Variants in NEDD4L observed in about 807,000 individuals in gnomAD.
NEDD4L encodes E3 ubiquitin-protein ligase NEDD4-like.
NEDD4L carries 54 observed loss-of-function variants against 148.9 expected under a neutral mutation model. The ratio of observed to expected loss-of-function variants is 0.36; its 90% confidence interval spans 0.29 to 0.45. The LOEUF (loss-of-function observed/expected upper bound fraction) is 0.45. Ranked by LOEUF, NEDD4L falls within the 20% of genes least tolerant of loss-of-function variation. The pLI, the probability that NEDD4L is intolerant of heterozygous loss-of-function variation, is 1.00. For missense variants in NEDD4L, 856 were observed against 1,233.8 expected (o/e 0.69, Z 4.59); for synonymous variants, 433 against 440.7 (o/e 0.98, Z 0.22).
intron 1 of NEDD4L, among the ~76,000 whole-genome samples, chr18:58,128,377 CTT>C (rs1463025396): frequency 6.6e-6 from 1 of 152,124 alleles, no homozygotes; most frequent in African/African-American, 2.4e-5. Flanking sequence ...TCCCAGGAAA[CTT>C]AATAGGTCAA....
At chr18:58,359,347 T>C (rs551123740) in intron 19 of NEDD4L, among the ~76,000 whole-genome samples, 90 of 152,344 alleles carry the variant, frequency 5.9e-4, no homozygotes, top group African/African-American at 2.0e-3. Flanking sequence ...TGTATTCTTA[T>C]AGCTCTCACA....
intron 16 of NEDD4L, among the ~76,000 whole-genome samples, chr18:58,343,539 C>T (rs901054742): frequency 6.6e-6 from 1 of 152,234 alleles, no homozygotes; most frequent in Admixed American, 6.5e-5. Flanking sequence ...TAGTTTTTAC[C>T]GTTCACATCA....
At chr18:58,056,953 G>T (rs910213040) in intron 1 of NEDD4L, among the ~76,000 whole-genome samples, 1 of 147,782 alleles carries the variant, frequency 6.8e-6, no homozygotes, top group East Asian at 2.1e-4. Flanking sequence ...GAAAGAGAAC[G>T]GCCTCCTGTG....
At chr18:58,208,173 G>A (rs904047529) in intron 2 of NEDD4L, among the ~76,000 whole-genome samples, 3 of 152,148 alleles carry the variant, frequency 2.0e-5, no homozygotes, top group African/African-American at 7.2e-5. Context: ...TATTCACTGG[G>A]ATTCACTCGG....
intron 1 of NEDD4L, among the ~76,000 whole-genome samples, chr18:58,138,222 A>G (rs938208624): frequency 3.3e-5 from 5 of 152,166 alleles, no homozygotes; most frequent in Non-Finnish European, 7.3e-5. Context: ...CACTAAATGG[A>G]TTTCATACCC....
chr18:58,326,751 C>T (rs542074887), intron 9 of NEDD4L, among the ~76,000 whole-genome samples: 1 of 152,296 alleles, frequency 6.6e-6, no homozygotes, highest in Admixed American at 6.5e-5. Flanking sequence ...GAAAAATATT[C>T]AACTTCATAA....
At chr18:58,272,211 G>A (rs1016813599) in intron 5 of NEDD4L, among the ~76,000 whole-genome samples, 2 of 152,072 alleles carry the variant, frequency 1.3e-5, no homozygotes, top group African/African-American at 4.8e-5. Flanking sequence ...TAAGATAATA[G>A]TAGAGACTAG....
At chr18:58,377,150 G>A (rs1404315294) in intron 24 of NEDD4L, among the ~76,000 whole-genome samples, 3 of 152,246 alleles carry the variant, frequency 2.0e-5, no homozygotes, top group African/African-American at 7.2e-5. Context: ...CTTCCCACAA[G>A]CACTTTGCCT....
At chr18:58,201,626 T>C (rs747059356) in intron 2 of NEDD4L, among the ~76,000 whole-genome samples, 43 of 152,358 alleles carry the variant, frequency 2.8e-4, no homozygotes, top group South Asian at 6.2e-4. Context: ...ACACAGTTTA[T>C]GTTTATGTTT....
intron 2 of NEDD4L, among the ~76,000 whole-genome samples, chr18:58,208,550 T>TGA (rs368443928): frequency 0.54 from 81,607 of 151,404 alleles, 23,442 homozygotes; most frequent in Non-Finnish European, 0.65. Flanking sequence ...AAGTCATCCT[T>TGA]AATTCCCTGT....
At chr18:58,231,762 C>G (rs927259451) in intron 2 of NEDD4L, among the ~76,000 whole-genome samples, 1 of 152,148 alleles carries the variant, frequency 6.6e-6, no homozygotes, top group Middle Eastern at 3.2e-3. Context: ...TGGGGCTTCA[C>G]CATGTTGGCC....
At chr18:58,260,565 T>C (rs868786082) in intron 5 of NEDD4L, among the ~76,000 whole-genome samples, 3 of 152,228 alleles carry the variant, frequency 2.0e-5, no homozygotes, top group Admixed American at 6.5e-5. Context: ...GTTATTTCAC[T>C]GTTTCAGATG....
At chr18:58,164,351 C>T (rs1043537738) in intron 1 of NEDD4L, among the ~76,000 whole-genome samples, 31 of 152,218 alleles carry the variant, frequency 2.0e-4, no homozygotes, top group African/African-American at 7.5e-4. Context: ...TAAAATGGCA[C>T]CAAAAGAAAT....
chr18:58,314,304 T>C (rs958893716), intron 5 of NEDD4L, among the ~76,000 whole-genome samples: 1 of 151,758 alleles, frequency 6.6e-6, no homozygotes, highest in Non-Finnish European at 1.5e-5. Context: ...GTAGTCCCAA[T>C]TACTCAGTAG....
chr18:58,381,348 C>G (rs1776102474), intron 24 of NEDD4L, among the ~76,000 whole-genome samples: 1 of 152,152 alleles, frequency 6.6e-6, no homozygotes, highest in South Asian at 2.1e-4. Flanking sequence ...TGTTTTCCTC[C>G]TTAGCCCTCC....
At chr18:58,390,578 C>T (rs933293700) in intron 28 of NEDD4L, 68 bp from the exon 29 acceptor site, 52 of 952,904 alleles carry the variant, frequency 5.5e-5, no homozygotes, top group Non-Finnish European at 7.8e-5. Flanking sequence ...GTTCTGCCTG[C>T]CTGCATGACA....
chr18:58,365,944 A>G lies in NEDD4L; in HGVS notation c.1834-55A>G, dbSNP rs563767837. 2.4e-5 allele frequency: 30 copies of G among 1,273,362 alleles called. No homozygotes were observed. The African/African-American group carries it at 3.7e-4, about 16-fold the overall frequency. The allele number at this position is 1,273,362 out of a possible 1,614,324, so 78.9% of individuals were successfully genotyped here. Reference sequence around the variant, plus strand: ...ACCATTTGCTGTTGTTTTTATTAGAAAACAAAGTGTGTATTTACTGTATGA... The same window carrying G: ...ACCATTTGCTGTTGTTTTTATTAGAGAACAAAGTGTGTATTTACTGTATGA... On this transcript the variant is annotated intron_variant, in intron 20 of 30. Coordinates refer to ENST00000400345, the MANE Select transcript of NEDD4L (RefSeq NM_001144967.3).
At chr18:58,079,592 A>G (rs1255496460) in intron 1 of NEDD4L, among the ~76,000 whole-genome samples, 1 of 152,168 alleles carries the variant, frequency 6.6e-6, no homozygotes, top group African/African-American at 2.4e-5. Context: ...GGATGCAGGC[A>G]CCCTGCCCTC....
At chr18:58,378,852 G>T (rs1181968554) in intron 24 of NEDD4L, among the ~76,000 whole-genome samples, 1 of 152,224 alleles carries the variant, frequency 6.6e-6, no homozygotes, top group African/African-American at 2.4e-5. Flanking sequence ...AGCATTTATG[G>T]AGGGTCAGGG....
Sources: allele counts gnomAD v4.1 joint callset (sites outside exome capture counted in the v4.1 genomes callset), GRCh38; gene constraint gnomAD v4.1.1; transcripts MANE v1.5; gene names NCBI Gene and HGNC (gene_info 2026-07-23, HGNC 2026-07-21).